PTHLH: variants seen among roughly 807,000 people sequenced by gnomAD.
The protein encoded by PTHLH is parathyroid hormone like hormone, also known as parathyroid hormone-related protein.
PTHLH carries 5 observed loss-of-function variants against 18.6 expected under a neutral mutation model. That is an observed-to-expected ratio of 0.27 (90% CI 0.14 to 0.56). The LOEUF (loss-of-function observed/expected upper bound fraction) is 0.56. Among genes scored for constraint, PTHLH ranks in the 20% least tolerant of loss-of-function variants. The probability of loss-of-function intolerance (pLI) is 0.92; values close to 1 mark genes in which losing one functional copy is unlikely to be tolerated. For synonymous variants in PTHLH, 90 were observed against 94.0 expected (o/e 0.96, Z 0.25); for missense variants, 207 against 223.9 (o/e 0.92, Z 0.48).
In PTHLH at chr12:27,970,141, T is replaced by C; in HGVS notation, c.-139A>G. 1.9e-6 allele frequency: 1 copy of C among 518,332 alleles called. No homozygotes were observed. Among genetic ancestry groups the C allele is most frequent in the Non-Finnish European group, 3.9e-6 (1 of 259,662 alleles). 32.1% of individuals were successfully genotyped at this position (518,332 alleles called of 1,614,324 possible). ...GGTGGCGGCGAGGGCGGGTCGTTAG[T>C]GGCAGCCGGAGCGGCAGGGAGGCGG... On this transcript the variant is annotated 5_prime_UTR_variant, in exon 3 of 6. Transcript: ENST00000545234.
intron 4 of PTHLH, among the ~76,000 whole-genome samples, chr12:27,964,505 G>A (rs1331355083): frequency 6.6e-6 from 1 of 152,066 alleles, no homozygotes; most frequent in Non-Finnish European, 1.5e-5. Flanking sequence ...GAAAGAGAGG[G>A]AGAGTATGTG....
At position 27,963,554 on chromosome 12, in the gene PTHLH, C is replaced by T. The variant is rs149204360; in HGVS notation, c.318G>A (p.Gln106=). The T allele has an allele frequency of 4.0e-5, 64 of 1,614,116 alleles. No individual in the cohort carries two copies. The East Asian group carries it at 1.4e-3, about 35-fold the overall frequency. The change falls in exon 5 of 6, where the codon CAG becomes CAA. Residue 106 remains glutamine, a synonymous_variant. Coordinates refer to ENST00000545234, the MANE Select transcript of PTHLH (RefSeq NM_198965.2). ...GSDDEGRYLT[Q]ETNKVETYKE... is the part of the protein sequence containing the mutation. Reference sequence around the variant, plus strand: ...TGTACGTCTCCACCTTGTTAGTTTCCTGAGTTAGGTATCTGCCCTCATCAT... The same window carrying T: ...TGTACGTCTCCACCTTGTTAGTTTCTTGAGTTAGGTATCTGCCCTCATCAT...
intron 5 of PTHLH, among the ~76,000 whole-genome samples, chr12:27,961,335 TTTTTGCCTCATAGAA>T (rs2062758594): frequency 9.9e-5 from 5 of 50,504 alleles, no homozygotes; most frequent in Admixed American, 2.8e-4. Flanking sequence ...ATATATATAC[TTTTTGCCTCATAGAA>T]ACATATCCCC....
chr12:27,969,586 C>T (rs1048555952), intron 3 of PTHLH, 70 bp from the exon 4 acceptor site: 15 of 1,276,306 alleles, frequency 1.2e-5, no homozygotes, highest in Middle Eastern at 1.8e-4. Context: ...CTCCGCTCCC[C>T]CTTTTTAGCC....
intron 5 of PTHLH, chr12:27,963,072 G>A (rs931245688): frequency 7.5e-7 from 1 of 1,326,438 alleles, no homozygotes. Flanking sequence ...GAAATTATTT[G>A]GTAGAGTGGT....
At chr12:27,960,465 C>T (rs2062743745) in intron 5 of PTHLH, among the ~76,000 whole-genome samples, 2 of 152,048 alleles carry the variant, frequency 1.3e-5, no homozygotes, top group Non-Finnish European at 2.9e-5. Flanking sequence ...GTGGTTCATG[C>T]CTGTAATCCC....
intron 4 of PTHLH, among the ~76,000 whole-genome samples, chr12:27,965,510 AGAGT>A (rs2062804932): frequency 6.6e-6 from 1 of 152,256 alleles, no homozygotes; most frequent in South Asian, 2.1e-4. Context: ...GTCAAAGAAA[AGAGT>A]AAGAGATGAA....
rs540356591 is a variant in PTHLH at position 27,958,620 on chromosome 12, A to C, written c.525-52T>G. 2.8e-5 allele frequency: 42 copies of C among 1,480,290 alleles called. No homozygotes were observed. The South Asian group carries it at 4.6e-4, about 16-fold the overall frequency. 91.7% of individuals were successfully genotyped at this position (1,480,290 alleles called of 1,614,324 possible). A position where few individuals can be genotyped will look rare whatever the true frequency, so the allele number is the denominator to read the frequency against. ...AGGAGAAAACAGGTTAGTTTTCTTTACAAATGAAAACATAAAATATAAAGG... is the reference window on the plus strand; with the variant it reads ...AGGAGAAAACAGGTTAGTTTTCTTTCCAAATGAAAACATAAAATATAAAGG... On this transcript the variant is annotated intron_variant, in intron 5 of 5. Transcript: ENST00000545234.
intron 2 of PTHLH, among the ~76,000 whole-genome samples, chr12:27,970,643 G>A (rs1236601747): frequency 6.6e-6 from 1 of 152,002 alleles, no homozygotes; most frequent in East Asian, 1.9e-4. Context: ...AGGGCGTGCG[G>A]ACTGCCCCGG....
At chr12:27,972,137 AC>A (rs755816398) in intron 1 of PTHLH, 118 bp from the exon 2 acceptor site, 4 of 152,018 alleles carry the variant, frequency 2.6e-5, no homozygotes, top group Non-Finnish European at 5.9e-5. Context: ...AGTCCAAGGT[AC>A]CTAGCCAAGT....
chr12:27,960,442 A>G (rs1019308304), intron 5 of PTHLH, among the ~76,000 whole-genome samples: 15 of 152,152 alleles, frequency 9.9e-5, no homozygotes, highest in African/African-American at 2.7e-4. Context: ...ATGCTGTATT[A>G]TTGGCCGGTG....
intron 5 of PTHLH, among the ~76,000 whole-genome samples, chr12:27,960,021 T>A (rs1033877352): frequency 1.3e-5 from 2 of 152,192 alleles, no homozygotes; most frequent in African/African-American, 4.8e-5. Context: ...AGAAGTAAGT[T>A]AAAGGACCAA....
At chr12:27,964,849 A>G (rs2062797888) in intron 4 of PTHLH, among the ~76,000 whole-genome samples, 1 of 152,190 alleles carries the variant, frequency 6.6e-6, no homozygotes, top group Admixed American at 6.5e-5. Context: ...TATTTTGTGT[A>G]TATTATTAAC....
chr12:27,968,656 T>C (rs2062838805), intron 4 of PTHLH, among the ~76,000 whole-genome samples: 1 of 152,166 alleles, frequency 6.6e-6, no homozygotes, highest in African/African-American at 2.4e-5. Flanking sequence ...GTTGAAGTTA[T>C]CATTAAAAGA....
In PTHLH at chr12:27,970,023, ACCT is replaced by A. The variant is rs1164001379; in HGVS notation, c.-24_-23+1del. 3.9e-6 allele frequency: 2 copies of A among 518,776 alleles called. No individual in the cohort carries two copies. The highest frequency in any genetic ancestry group is 7.7e-6 in the Non-Finnish European group (2 of 259,866). 32.1% of individuals were successfully genotyped at this position (518,776 alleles called of 1,614,324 possible). On this transcript the variant is annotated splice_donor_variant and 5_prime_UTR_variant, in exon 3 of 6. Coordinates refer to ENST00000545234, the MANE Select transcript of PTHLH (RefSeq NM_198965.2). LOFTEE classifies it low-confidence loss of function (5UTR_SPLICE). Reference sequence around the variant, plus strand: ...CATATATATACATAGCTGTCTGTCTACCTCCTCTGGTGGGCTGGTTGCTTCCGG... The same window carrying A: ...CATATATATACATAGCTGTCTGTCTACCTCTGGTGGGCTGGTTGCTTCCGG...
At chr12:27,962,687 A>G (rs2062772332) in intron 5 of PTHLH, 8 of 984,382 alleles carry the variant, frequency 8.1e-6, no homozygotes, top group Non-Finnish European at 9.6e-6. Context: ...TATCCTTGTA[A>G]GTTAATACTT....
At position 27,968,050 on chromosome 12, in the gene PTHLH, A is replaced by G. The variant is rs77271916; in HGVS notation, c.101+1344T>C. On this transcript the variant is annotated intron_variant, in intron 4 of 5. Coordinates refer to ENST00000545234, the MANE Select transcript of PTHLH (RefSeq NM_198965.2). ...AAAAATTCAGTCTTCATTTCTATTT[A>G]TGTATGAATTTCAAATTATTGAATT... Among the ~76,000 whole-genome samples, 391 of 152,348 alleles carry G rather than the reference A, an allele frequency of 2.6e-3. 17 individuals carry two copies. The East Asian group carries it at 0.067, about 26-fold the overall frequency.
intron 4 of PTHLH, among the ~76,000 whole-genome samples, chr12:27,966,946 C>T (rs892078682): frequency 2.6e-5 from 4 of 152,162 alleles, no homozygotes; most frequent in African/African-American, 9.7e-5. Context: ...CTTCTAAGGA[C>T]GGACTCTGTG....
In PTHLH at chr12:27,970,052, A is replaced by G; in HGVS notation, c.-50T>C. The G allele has an allele frequency of 1.9e-6, 1 of 519,004 alleles. No homozygotes were observed. The highest frequency in any genetic ancestry group is 3.8e-6 in the Non-Finnish European group (1 of 259,868). 32.1% of individuals were successfully genotyped at this position (519,004 alleles called of 1,614,324 possible). A position where few individuals can be genotyped will look rare whatever the true frequency, so the allele number is the denominator to read the frequency against. On this transcript the variant is annotated 5_prime_UTR_variant, in exon 3 of 6. Coordinates refer to ENST00000545234, the MANE Select transcript of PTHLH (RefSeq NM_198965.2). ...CCTCTGGTGGGCTGGTTGCTTCCGG[A>G]AAGTTGATTCCACACACCCTGAGAA...
Sources: gnomAD v4.1 joint callset for allele counts (sites outside exome capture counted in the v4.1 genomes callset) on GRCh38, gnomAD v4.1.1 for gene constraint, MANE v1.5 for transcripts, NCBI Gene and HGNC (gene_info 2026-07-23, HGNC 2026-07-21) for gene names.